The following DIAPH1 variants were observed in gnomAD, a reference collection of about 807,000 sequenced individuals.
DIAPH1 encodes the protein diaphanous related formin 1.
Under a neutral mutation model 140.7 loss-of-function variants are expected in DIAPH1, and 46 were observed. The ratio of observed to expected loss-of-function variants is 0.33; its 90% confidence interval spans 0.26 to 0.42. The LOEUF (loss-of-function observed/expected upper bound fraction) is 0.42, where lower values mean the gene tolerates loss of function less well. DIAPH1 is among the 10% of genes least tolerant of loss of function. The pLI is 1.00. For missense variants in DIAPH1, 1,310 were observed against 1,558.7 expected (o/e 0.84, Z 2.69); for synonymous variants, 565 against 551.6 (o/e 1.02, Z -0.34).
At chr5:141,606,901 C>T (rs1271012125) in intron 1 of DIAPH1, among the ~76,000 whole-genome samples, 1 of 150,148 alleles carries the variant, frequency 6.7e-6, no homozygotes, top group Non-Finnish European at 1.5e-5. Flanking sequence ...AACTGTCAGT[C>T]TCCTATATTA....
At chr5:141,540,212 G>C (rs2099889763) in intron 18 of DIAPH1, among the ~76,000 whole-genome samples, 1 of 151,918 alleles carries the variant, frequency 6.6e-6, no homozygotes, top group East Asian at 1.9e-4. Flanking sequence ...CGCCTCCTGG[G>C]TTCAAGCAAT....
At chr5:141,560,771 G>C in intron 18 of DIAPH1, 1 of 447,336 alleles carries the variant, frequency 2.2e-6, no homozygotes, top group South Asian at 1.6e-5. Flanking sequence ...TTTATTCAGG[G>C]TTGGGAAGGG....
chr5:141,525,615 C>G (rs1034604501), intron 26 of DIAPH1, among the ~76,000 whole-genome samples: 5 of 152,032 alleles, frequency 3.3e-5, no homozygotes, highest in Admixed American at 2.6e-4. Flanking sequence ...GGACATAGTA[C>G]TTTGTGAAAT....
chr5:141,533,496 T>C (rs2099888559), intron 19 of DIAPH1, among the ~76,000 whole-genome samples: 1 of 152,332 alleles, frequency 6.6e-6, no homozygotes, highest in East Asian at 1.9e-4. Flanking sequence ...ACCTTAGTTA[T>C]TTTAAATCAC....
chr5:141,584,652 A>G (rs1288440541), intron 3 of DIAPH1, among the ~76,000 whole-genome samples: 1 of 152,158 alleles, frequency 6.6e-6, no homozygotes, highest in Non-Finnish European at 1.5e-5. Context: ...CTACAAACCC[A>G]TTACCCCTGG....
At chr5:141,549,687 T>C (rs2099891396) in intron 18 of DIAPH1, among the ~76,000 whole-genome samples, 4 of 152,002 alleles carry the variant, frequency 2.6e-5, no homozygotes. Context: ...TACTAAGCTA[T>C]CAGTAAAAAG....
chr5:141,576,147 G>T, intron 14 of DIAPH1, 83 bp downstream of exon 14: 1 of 1,213,996 alleles, frequency 8.2e-7, no homozygotes, highest in Non-Finnish European at 1.2e-6. Context: ...TACCACAGAG[G>T]AAAACTGTCT....
intron 18 of DIAPH1, among the ~76,000 whole-genome samples, chr5:141,562,230 AAAGAAC>A: frequency 6.7e-6 from 1 of 148,252 alleles, no homozygotes; most frequent in South Asian, 2.1e-4. Context: ...CAAAAAAAAA[AAAGAAC>A]AATTATTTCA....
intron 18 of DIAPH1, among the ~76,000 whole-genome samples, chr5:141,537,200 T>C (rs1056584784): frequency 1.3e-5 from 2 of 151,498 alleles, no homozygotes; most frequent in Admixed American, 6.6e-5. Flanking sequence ...AAAATGAAAA[T>C]TGGCCAGACG....
At chr5:141,541,552 G>C (rs988081709) in intron 18 of DIAPH1, among the ~76,000 whole-genome samples, 3 of 151,906 alleles carry the variant, frequency 2.0e-5, no homozygotes, top group Non-Finnish European at 4.4e-5. Flanking sequence ...GCTGGTGGTG[G>C]TGTGTGCCTG....
At chr5:141,542,343 G>T (rs912697847) in intron 18 of DIAPH1, among the ~76,000 whole-genome samples, 15 of 151,754 alleles carry the variant, frequency 9.9e-5, no homozygotes, top group African/African-American at 3.6e-4. Flanking sequence ...TGAGGCAAGA[G>T]AATCACTTGA....
At chr5:141,561,311 G>T (rs1057053034) in intron 18 of DIAPH1, among the ~76,000 whole-genome samples, 9 of 151,512 alleles carry the variant, frequency 5.9e-5, no homozygotes, top group African/African-American at 2.2e-4. Context: ...ATGCCCTTCT[G>T]TTATATCACT....
At chr5:141,601,728 A>G (rs923598792) in intron 1 of DIAPH1, among the ~76,000 whole-genome samples, 2 of 152,236 alleles carry the variant, frequency 1.3e-5, no homozygotes, top group Non-Finnish European at 2.9e-5. Flanking sequence ...TAGCATCACT[A>G]CAGGTTTAGG....
At chr5:141,566,909 A>ACAAAT (rs2099894455) in intron 18 of DIAPH1, among the ~76,000 whole-genome samples, 2 of 151,592 alleles carry the variant, frequency 1.3e-5, no homozygotes, top group Non-Finnish European at 2.9e-5. Flanking sequence ...ACAAAACAAA[A>ACAAAT]CAAAACAAAA....
At chr5:141,550,322 G>A (rs1223984484) in intron 18 of DIAPH1, among the ~76,000 whole-genome samples, 1 of 152,132 alleles carries the variant, frequency 6.6e-6, no homozygotes, top group Non-Finnish European at 1.5e-5. Flanking sequence ...TAAAAACTGA[G>A]GAACTATAAC....
chr5:141,590,744 A>AC (rs2099898267), intron 1 of DIAPH1, among the ~76,000 whole-genome samples: 1 of 151,358 alleles, frequency 6.6e-6, no homozygotes, highest in South Asian at 2.1e-4. Flanking sequence ...TTAAGTTTAA[A>AC]AAAAAAAAAA....
At chr5:141,567,327 T>C (rs2099894531) in intron 18 of DIAPH1, among the ~76,000 whole-genome samples, 1 of 152,174 alleles carries the variant, frequency 6.6e-6, no homozygotes, top group Non-Finnish European at 1.5e-5. Flanking sequence ...TATGGTACTT[T>C]TTCCATGTGA....
At chr5:141,536,447 A>T (rs1158201511) in intron 18 of DIAPH1, among the ~76,000 whole-genome samples, 1 of 152,236 alleles carries the variant, frequency 6.6e-6, no homozygotes, top group Non-Finnish European at 1.5e-5. Flanking sequence ...AAAAGAAGTG[A>T]ACAAAATAGA....
In DIAPH1 at chr5:141,576,274, T is replaced by G. The variant is rs1239598744; in HGVS notation, c.1417A>C (p.Lys473Gln). 6.2e-7 allele frequency: 1 copy of G among 1,613,896 alleles called. No individual in the cohort carries two copies. Among genetic ancestry groups the G allele is most frequent in the Admixed American group, 1.7e-5 (1 of 60,008 alleles). Residue 473 changes from lysine (K) to glutamine (Q), a missense_variant, in exon 14 of 28, where the codon AAG becomes CAG. This residue lies in a region of DIAPH1 where 589 missense variants were observed against 549.3 expected (regional missense o/e 1.07). Coordinates refer to ENST00000389054, the MANE Select transcript of DIAPH1 (RefSeq NM_005219.5). ...GLIDQMIDKT[K>Q]VEKSEAKAAE... is the part of the protein sequence containing the mutation. ...GCTTTGGCTTCAGATTTCTCCACCT[T>G]TGTCTTATCAATCATTTGATCTGAA...
Sources: gnomAD v4.1 joint callset for allele counts (sites outside exome capture counted in the v4.1 genomes callset) on GRCh38, gnomAD v4.1.1 for gene constraint, gnomAD v4.1.1 regional missense constraint, MANE v1.5 for transcripts, NCBI Gene and HGNC (gene_info 2026-07-23, HGNC 2026-07-21) for gene names.